MYO16: variants seen among roughly 807,000 people sequenced by gnomAD.
MYO16 encodes unconventional myosin-XVI.
Under a neutral mutation model 205.3 loss-of-function variants are expected in MYO16, and 94 were observed. That is an observed-to-expected ratio of 0.46 (90% confidence interval 0.39 to 0.54). MYO16 has a LOEUF of 0.54. Among genes scored for constraint, MYO16 ranks in the 20% least tolerant of loss-of-function variants. The probability of loss-of-function intolerance (pLI) is 0.00; values close to 1 mark genes in which losing one functional copy is unlikely to be tolerated. For synonymous variants in MYO16, 988 were observed against 954.0 expected, an observed-to-expected ratio of 1.04 and a Z score of -0.66; for missense variants, 2,315 against 2,387.5, an observed-to-expected ratio of 0.97 and a Z score of 0.63.
chr13:108,821,823 A>G (rs867261665), intron 8 of MYO16, among the ~76,000 whole-genome samples: 8 of 152,176 alleles, frequency 5.3e-5, no homozygotes, highest in Non-Finnish European at 1.2e-4. Context: ...AACTTTTACC[A>G]CATTGGTCAT....
chr13:108,557,033 A>G, the MYO16 span, among the ~76,000 whole-genome samples: 1 of 152,162 alleles, frequency 6.6e-6, no homozygotes, highest in East Asian at 1.9e-4. Flanking sequence ...TAATTACCAT[A>G]GCCGCCTATT....
intron 27 of MYO16, among the ~76,000 whole-genome samples, chr13:109,059,688 A>G (rs1887525108): frequency 6.6e-6 from 1 of 152,062 alleles, no homozygotes; most frequent in Non-Finnish European, 1.5e-5. Context: ...GATTGCAAAA[A>G]TTTTGCCCCA....
chr13:109,163,223 A>G (rs1018077373), intron 32 of MYO16, among the ~76,000 whole-genome samples: 1 of 152,154 alleles, frequency 6.6e-6, no homozygotes, highest in African/African-American at 2.4e-5. Flanking sequence ...TGATCTGACC[A>G]AGGTCCTGAC....
intron 16 of MYO16, among the ~76,000 whole-genome samples, chr13:108,952,375 C>T (rs890281953): frequency 3.3e-5 from 5 of 152,196 alleles, no homozygotes; most frequent in East Asian, 1.9e-4. Flanking sequence ...AGGGGCAAGA[C>T]GGGGTGTGTT....
At chr13:108,591,902 G>C (rs1228978734), upstream of MYO16, among the ~76,000 whole-genome samples, 2 of 151,914 alleles carry the variant, frequency 1.3e-5, no homozygotes, top group Non-Finnish European at 2.9e-5. Context: ...TCTTTTTCCT[G>C]GTATGCTCAG....
At chr13:108,900,990 G>A (rs964990632) in intron 15 of MYO16, among the ~76,000 whole-genome samples, 2 of 152,184 alleles carry the variant, frequency 1.3e-5, no homozygotes, top group Non-Finnish European at 2.9e-5. Flanking sequence ...GTCTTTTACG[G>A]TTGTAGCAGA....
At chr13:108,898,906 A>G (rs545042814) in intron 15 of MYO16, among the ~76,000 whole-genome samples, 2 of 152,200 alleles carry the variant, frequency 1.3e-5, no homozygotes, top group African/African-American at 4.8e-5. Flanking sequence ...AGATATTTTT[A>G]AAAAACTTTT....
Position 109,055,709 on chromosome 13 carries a change from T to G in MYO16, c.3335+114T>G. 1.1e-6 allele frequency: 1 copy of G among 904,178 alleles called. No homozygotes were observed. The highest frequency in any genetic ancestry group is 1.6e-5 in the South Asian group (1 of 63,052). 56.0% of individuals were successfully genotyped at this position (904,178 alleles called of 1,614,324 possible). A position where few individuals can be genotyped will look rare whatever the true frequency, so the allele number is the denominator to read the frequency against. ...TTGTCTTTTTTGGCACTGCTTTTGT[T>G]GTTTACTTTTTTCTATCTCCAATAA... is the stretch of plus-strand genomic sequence containing the variant. On this transcript the variant is annotated intron_variant, in intron 27 of 34. Coordinates refer to ENST00000457511, the MANE Select transcript of MYO16 (RefSeq NM_001198950.3). This position sits in a 1 kb window ranked among gnomAD's most constrained non-coding sequence, Gnocchi z 5.0.
At chr13:109,041,299 A>G (rs893024363) in intron 23 of MYO16, among the ~76,000 whole-genome samples, 1 of 152,240 alleles carries the variant, frequency 6.6e-6, no homozygotes, top group Non-Finnish European at 1.5e-5. Flanking sequence ...AGTTCTCCCC[A>G]GATTGACATA....
At chr13:109,182,097 CG>C (rs1879483058) in intron 34 of MYO16, among the ~76,000 whole-genome samples, 1 of 152,038 alleles carries the variant, frequency 6.6e-6, no homozygotes. Context: ...GGATTACAGG[CG>C]GGAGCCACTG....
intron 3 of MYO16, among the ~76,000 whole-genome samples, chr13:108,727,232 C>A (rs1321999490): frequency 6.6e-6 from 1 of 151,894 alleles, no homozygotes. Context: ...TTCTTTCTGT[C>A]TGCTGTTCCT....
In MYO16 at chr13:108,820,399, G is replaced by A; in HGVS notation, c.930G>A (p.Glu310=). 1 of 1,606,242 alleles carries A rather than the reference G, an allele frequency of 6.2e-7. No individual in the cohort carries two copies. Among genetic ancestry groups the A allele is most frequent in the South Asian group, 1.1e-5 (1 of 89,558 alleles). Residue 310 remains glutamate, a synonymous_variant, in exon 8 of 35, where the codon GAG becomes GAA. Transcript: ENST00000457511. ...ACCCACACCTCGTGAACTGTAATGA[G>A]GAGAAGGCGTCAGGTAGGTTAGGAG... ...QANPHLVNCN[E]EKASDIAASE...
At chr13:108,634,845 A>T (rs1274577975) in intron 1 of MYO16, among the ~76,000 whole-genome samples, 2 of 152,062 alleles carry the variant, frequency 1.3e-5, no homozygotes, top group African/African-American at 2.4e-5. Flanking sequence ...TGACAACCTC[A>T]TCCATTCTCA....
chr13:109,064,069 GA>G lies in MYO16; in HGVS notation c.3335+8478del, dbSNP rs544350078. ...ATTTCAACCACCAGACCAGAGGTTA[GA>G]AAATGACAGCCACTGAGCCAAATCT... On this transcript the variant is annotated intron_variant, in intron 27 of 34. Coordinates refer to ENST00000457511, the MANE Select transcript of MYO16 (RefSeq NM_001198950.3). Among the ~76,000 whole-genome samples, 16 of 152,300 alleles carry G rather than the reference GA, an allele frequency of 1.1e-4. No individual in the cohort carries two copies. In the South Asian group the frequency reaches 3.3e-3, roughly 32 times the overall value.
chr13:109,022,634 TATATGCATATAA>T (rs1242355677), intron 23 of MYO16, among the ~76,000 whole-genome samples: 1 of 135,384 alleles, frequency 7.4e-6, no homozygotes, highest in Non-Finnish European at 1.5e-5. Context: ...ATATATTATA[TATATGCATATAA>T]ACATATGTAT....
chr13:108,929,465 T>C (rs974285404), intron 16 of MYO16, among the ~76,000 whole-genome samples: 1 of 152,230 alleles, frequency 6.6e-6, no homozygotes, highest in Admixed American at 6.5e-5. Context: ...CACACACTCC[T>C]AATGAGGGTT....
At chr13:109,093,846 A>G (rs1888695781) in intron 27 of MYO16, among the ~76,000 whole-genome samples, 1 of 152,068 alleles carries the variant, frequency 6.6e-6, no homozygotes, top group Non-Finnish European at 1.5e-5. Flanking sequence ...AGCCGCACTC[A>G]GCCTCACAGT....
chr13:108,816,642 C>T, intron 7 of MYO16, among the ~76,000 whole-genome samples: 1 of 152,180 alleles, frequency 6.6e-6, no homozygotes, highest in Non-Finnish European at 1.5e-5. Flanking sequence ...CTACTTTGTT[C>T]TCGCTTTTGT....
rs572376937 is a variant in MYO16 at position 108,714,592 on chromosome 13, CTGTG to C, written c.363+1879_363+1882del. Among the ~76,000 whole-genome samples the C allele has an allele frequency of 1.7e-4, 25 of 146,776 alleles. 1 individual carries two copies. The highest frequency in any genetic ancestry group is 4.1e-4 in the African/African-American group (16 of 38,912). ...CTGTCACTTCTTCACGTGTGTGTGT[CTGTG>C]TGTGTGTGTGTGTGTGTATATATAT... On this transcript the variant is annotated intron_variant, in intron 3 of 34. Transcript: ENST00000457511.
Sources: allele counts gnomAD v4.1 joint callset (sites outside exome capture counted in the v4.1 genomes callset), GRCh38; gene constraint gnomAD v4.1.1; non-coding constraint Gnocchi (gnomAD v3.1); transcripts MANE v1.5; gene names NCBI Gene and HGNC (gene_info 2026-07-23, HGNC 2026-07-21).